PBX1: variants seen among roughly 807,000 people sequenced by gnomAD.
The protein encoded by PBX1 is PBX homeobox 1.
A neutral mutation model predicts 53.4 loss-of-function variants in PBX1; 6 were observed. The ratio of observed to expected loss-of-function variants is 0.11; its 90% CI spans 0.06 to 0.22. The LOEUF is 0.22. PBX1 is among the 10% of genes least tolerant of loss of function. PBX1 has a pLI of 1.00. For missense variants in PBX1, 251 were observed against 551.4 expected, an observed-to-expected ratio of 0.46 and a Z score of 5.46; for synonymous variants, 204 against 212.3, an observed-to-expected ratio of 0.96 and a Z score of 0.34.
rs144341691 is a variant in PBX1 at position 164,841,103 on chromosome 1, C to T, written c.1201-5481C>T. ...TGAAACCGACGTGTGAAGGAACACA[C>T]GCAATACAGCAGCACATGTGCTGTG... On this transcript the variant is annotated intron_variant, in intron 8 of 8. Coordinates refer to ENST00000420696, the MANE Select transcript of PBX1 (RefSeq NM_002585.4). 3.4e-3 allele frequency among the ~76,000 whole-genome samples: 513 copies of T among 152,264 alleles called. 6 individuals are homozygous for T. Among genetic ancestry groups the T allele is most frequent in the Middle Eastern group, 0.02 (6 of 294 alleles).
chr1:164,820,815 T>C (rs1449961093), intron 7 of PBX1, among the ~76,000 whole-genome samples: 1 of 152,160 alleles, frequency 6.6e-6, no homozygotes, highest in African/African-American at 2.4e-5. Context: ...GCCATCCTAC[T>C]ACCTCAGCAT....
At chr1:164,606,012 ACT>A (rs1264572479) in intron 2 of PBX1, among the ~76,000 whole-genome samples, 1 of 152,122 alleles carries the variant, frequency 6.6e-6, no homozygotes, top group Non-Finnish European at 1.5e-5. Context: ...CTGGAGTTGC[ACT>A]CTCTATTTTT....
chr1:164,758,723 C>T (rs933061016), intron 2 of PBX1, among the ~76,000 whole-genome samples: 9 of 151,654 alleles, frequency 5.9e-5, no homozygotes, highest in Non-Finnish European at 1.3e-4. Context: ...TCCTCATGCT[C>T]CTTTCATGCT....
rs1652890525 is a variant in PBX1, at chr1:164,559,782, A to G, written c.-41A>G. 3 of 1,488,980 alleles carry G rather than the reference A, an allele frequency of 2.0e-6. No homozygotes were observed. The highest frequency in any genetic ancestry group is 1.8e-6 in the Non-Finnish European group (2 of 1,108,106). The allele number at this position is 1,488,980 out of a possible 1,614,324, so 92.2% of individuals were successfully genotyped here. On this transcript the variant is annotated 5_prime_UTR_variant, in exon 1 of 9. Transcript: ENST00000420696. ...GTGCTTCCCAGGAGCCGAGCCGAGG[A>G]GCAGAAGAGGAAGAGCCGGGGGCTG...
At position 164,847,486 on chromosome 1, in the gene PBX1, A is replaced by G; in HGVS notation, c.*810A>G. On this transcript the variant is annotated 3_prime_UTR_variant, in exon 9 of 9. Transcript: ENST00000420696. Reference sequence around the variant, plus strand: ...TTCAGAGGCACAGTCTTTGGAGACCATTCAGCACTGAGAAAGCAATATTTA... The same window carrying G: ...TTCAGAGGCACAGTCTTTGGAGACCGTTCAGCACTGAGAAAGCAATATTTA... The G allele has an allele frequency of 1.9e-6, 2 of 1,062,754 alleles. No individual in the cohort carries two copies. The highest frequency in any genetic ancestry group is 2.3e-6 in the Non-Finnish European group (2 of 877,648). The allele number at this position is 1,062,754 out of a possible 1,614,324, so 65.8% of individuals were successfully genotyped here.
At chr1:164,636,773 A>G (rs1228297956) in intron 2 of PBX1, among the ~76,000 whole-genome samples, 1 of 151,810 alleles carries the variant, frequency 6.6e-6, no homozygotes, top group African/African-American at 2.4e-5. Flanking sequence ...GTTTTTTTAT[A>G]TTTTCCACCA....
intron 2 of PBX1, chr1:164,774,299 C>T (rs952901878): frequency 6.6e-6 from 1 of 152,140 alleles, no homozygotes; most frequent in African/African-American, 2.4e-5. Flanking sequence ...TTTTTGTAGG[C>T]ATATCATTAA....
chr1:164,740,766 T>C (rs1025418641), intron 2 of PBX1, among the ~76,000 whole-genome samples: 9 of 152,198 alleles, frequency 5.9e-5, no homozygotes, highest in Admixed American at 3.3e-4. Context: ...AAGACAGATA[T>C]ATAACACTGA....
Position 164,603,961 on chromosome 1 carries a change from T to TTTTTTTTA in PBX1, c.265+40651_265+40652insTTTTTTAT, listed in dbSNP as rs1553214847. Among the ~76,000 whole-genome samples, 24 of 132,026 alleles carry TTTTTTTTA rather than the reference T, an allele frequency of 1.8e-4. 1 individual carries two copies. Among genetic ancestry groups the TTTTTTTTA allele is most frequent in the African/African-American group, 6.5e-4 (23 of 35,128 alleles). 86.6% of individuals were successfully genotyped at this position (132,026 alleles called of 152,430 possible). On this transcript the variant is annotated intron_variant, in intron 2 of 8. Transcript: ENST00000420696. ...TTTTTTTTTTTTTTTTTTTTTTTTT[T>TTTTTTTTA]TAGAGATGAGTCTCTGTCACCCAGG...
At chr1:164,583,931 T>G (rs1654789701) in intron 2 of PBX1, among the ~76,000 whole-genome samples, 1 of 152,136 alleles carries the variant, frequency 6.6e-6, no homozygotes, top group Non-Finnish European at 1.5e-5. Context: ...GCATAGCACT[T>G]AACCCACAAT....
At chr1:164,666,219 C>T (rs544836699) in intron 2 of PBX1, among the ~76,000 whole-genome samples, 115 of 152,268 alleles carry the variant, frequency 7.6e-4, no homozygotes, top group African/African-American at 2.7e-3. Flanking sequence ...CTGGGGGTTT[C>T]TCAACTGCCA....
chr1:164,847,484 CCATT>C lies in PBX1; in HGVS notation c.*811_*814del, dbSNP rs1671632561. ...GTTTCAGAGGCACAGTCTTTGGAGA[CCATT>C]CAGCACTGAGAAAGCAATATTTAGA... On this transcript the variant is annotated 3_prime_UTR_variant, in exon 9 of 9. Transcript: ENST00000420696. The C allele has an allele frequency of 1.6e-5, 17 of 1,062,586 alleles. No homozygotes were observed. The highest frequency in any genetic ancestry group is 1.8e-5 in the Non-Finnish European group (16 of 877,654). 65.8% of individuals were successfully genotyped at this position (1,062,586 alleles called of 1,614,324 possible).
chr1:164,636,233 G>T (rs193137157), intron 2 of PBX1, among the ~76,000 whole-genome samples: 29 of 152,182 alleles, frequency 1.9e-4, no homozygotes, highest in African/African-American at 6.7e-4. Flanking sequence ...GAGATGGAAG[G>T]GGGGAGGAAC....
intron 2 of PBX1, chr1:164,773,054 C>G (rs1400871794): frequency 6.6e-6 from 1 of 152,184 alleles, no homozygotes; most frequent in Non-Finnish European, 1.5e-5. Flanking sequence ...TTCCTTCTTG[C>G]ATTTTGTGGC....
chr1:164,676,472 A>G (rs1162399162), intron 2 of PBX1, among the ~76,000 whole-genome samples: 4 of 152,176 alleles, frequency 2.6e-5, no homozygotes, highest in Non-Finnish European at 5.9e-5. Flanking sequence ...GAACAGGTGG[A>G]AACTAGAACA....
At chr1:164,749,885 G>A (rs183749067) in intron 2 of PBX1, among the ~76,000 whole-genome samples, 64 of 152,254 alleles carry the variant, frequency 4.2e-4, no homozygotes, top group Admixed American at 2.5e-3. Context: ...CATCGCTTGA[G>A]CCCAGGAGTT....
At chr1:164,689,521 TGAA>T (rs1327592818) in intron 2 of PBX1, among the ~76,000 whole-genome samples, 2 of 152,130 alleles carry the variant, frequency 1.3e-5, no homozygotes, top group Non-Finnish European at 2.9e-5. Flanking sequence ...CCAATCCAGA[TGAA>T]GAGATGTGAA....
At chr1:164,663,304 G>T (rs1294338188) in intron 2 of PBX1, among the ~76,000 whole-genome samples, 5 of 149,736 alleles carry the variant, frequency 3.3e-5, no homozygotes, top group Non-Finnish European at 7.4e-5. Flanking sequence ...CTGCCTTCCT[G>T]CCTTCCTCTC....
At chr1:164,883,366 A>G (rs1450608701) in intron 2 of PBX1, among the ~76,000 whole-genome samples, 1 of 152,214 alleles carries the variant, frequency 6.6e-6, no homozygotes, top group Admixed American at 6.5e-5. Flanking sequence ...CCCTGGGCAA[A>G]TGGATATTTT....
Sources: allele counts gnomAD v4.1 joint callset (sites outside exome capture counted in the v4.1 genomes callset), GRCh38; gene constraint gnomAD v4.1.1; transcripts MANE v1.5; gene names NCBI Gene and HGNC (gene_info 2026-07-23, HGNC 2026-07-21).